Variants in GABRA1 observed in about 807,000 individuals in gnomAD.
GABRA1 encodes gamma-aminobutyric acid receptor subunit alpha-1.
In GABRA1, 9 loss-of-function variants were observed where a neutral mutation model predicts 48.9. The ratio of observed to expected loss-of-function variants is 0.18; its 90% CI spans 0.11 to 0.32. The LOEUF (loss-of-function observed/expected upper bound fraction) is 0.32. Ranked by LOEUF, GABRA1 falls within the 10% of genes least tolerant of loss-of-function variation. The pLI is 1.00. For synonymous variants in GABRA1, 210 were observed against 198.7 expected, an observed-to-expected ratio of 1.06 and a Z score of -0.48; for missense variants, 285 against 553.8, an observed-to-expected ratio of 0.51 and a Z score of 4.87.
In GABRA1 at chr5:161,898,821, A is replaced by G. The variant is rs1755490451; in HGVS notation, c.*1399A>G. 1 of 152,586 alleles carries G rather than the reference A, an allele frequency of 6.6e-6. No homozygotes were observed. The highest frequency in any genetic ancestry group is 6.5e-5 in the Admixed American group (1 of 15,270). 9.5% of individuals were successfully genotyped at this position (152,586 alleles called of 1,614,324 possible). A position where few individuals can be genotyped will look rare whatever the true frequency, so the allele number is the denominator to read the frequency against. ...CAACTATTTCAATAAGTGTTGTACC[A>G]TATGTAGCATTAAATATAAAATACA... On this transcript the variant is annotated 3_prime_UTR_variant, in exon 10 of 10. Coordinates refer to ENST00000393943, the MANE Select transcript of GABRA1 (RefSeq NM_001127644.2).
intron 7 of GABRA1, among the ~76,000 whole-genome samples, chr5:161,889,684 C>T (rs766722846): frequency 1.9e-4 from 29 of 151,980 alleles, no homozygotes; most frequent in Non-Finnish European, 3.7e-4. Context: ...AGGAAGTTTG[C>T]TTGTTACTTT....
At chr5:161,895,504 G>A (rs1273666405) in intron 8 of GABRA1, among the ~76,000 whole-genome samples, 162 bp from the exon 9 acceptor site, 1 of 152,052 alleles carries the variant, frequency 6.6e-6, no homozygotes, top group Non-Finnish European at 1.5e-5. Context: ...ACTACACTGG[G>A]GTTAAATTAA....
intron 6 of GABRA1, among the ~76,000 whole-genome samples, chr5:161,879,616 G>A (rs1353144008): frequency 6.6e-6 from 1 of 152,058 alleles, no homozygotes; most frequent in African/African-American, 2.4e-5. Context: ...TCTTTGCTAA[G>A]GCCTTAAGTA....
chr5:161,885,550 A>G (rs1180222806), intron 7 of GABRA1, among the ~76,000 whole-genome samples: 1 of 152,130 alleles, frequency 6.6e-6, no homozygotes, highest in African/African-American at 2.4e-5. Flanking sequence ...ATAAACACAC[A>G]ATCCTACTGA....
intron 6 of GABRA1, 104 bp downstream of exon 6, chr5:161,875,746 T>A: frequency 1.2e-6 from 1 of 832,858 alleles, no homozygotes; most frequent in Non-Finnish European, 2.1e-6. Context: ...CAAGAAAATT[T>A]AAACAGCAAT....
intron 4 of GABRA1, among the ~76,000 whole-genome samples, chr5:161,866,252 C>T (rs187668473): frequency 5.9e-5 from 9 of 152,128 alleles, no homozygotes; most frequent in Admixed American, 5.9e-4. Context: ...GACAAAAATA[C>T]TTAAAACACA....
At chr5:161,871,607 G>A (rs1754124754) in intron 4 of GABRA1, among the ~76,000 whole-genome samples, 1 of 152,126 alleles carries the variant, frequency 6.6e-6, no homozygotes, top group South Asian at 2.1e-4. Context: ...ACCTTCATGA[G>A]TTTTTCTTAC....
At chr5:161,851,661 T>C (rs940601713) in intron 2 of GABRA1, among the ~76,000 whole-genome samples, 14 of 152,102 alleles carry the variant, frequency 9.2e-5, no homozygotes, top group Non-Finnish European at 1.3e-4. Flanking sequence ...TTATTCAAAA[T>C]GTAATGGCAA....
At chr5:161,891,823 A>G (rs962859132) in intron 8 of GABRA1, among the ~76,000 whole-genome samples, 8 of 152,186 alleles carry the variant, frequency 5.3e-5, no homozygotes, top group African/African-American at 1.4e-4. Context: ...CTGAACACAA[A>G]TCACCACTCT....
intron 7 of GABRA1, among the ~76,000 whole-genome samples, chr5:161,889,367 A>T (rs1434229716): frequency 6.6e-6 from 1 of 152,102 alleles, no homozygotes; most frequent in Non-Finnish European, 1.5e-5. Context: ...AGACAAGAAT[A>T]CTAAGGGTAA....
At position 161,897,484 on chromosome 5, in the gene GABRA1, G is replaced by A. The variant is rs1755424450; in HGVS notation, c.*62G>A. 5 of 1,407,602 alleles carry A rather than the reference G, an allele frequency of 3.6e-6. No homozygotes were observed. The highest frequency in any genetic ancestry group is 1.7e-5 in the Admixed American group (1 of 59,420). 87.2% of individuals were successfully genotyped at this position (1,407,602 alleles called of 1,614,324 possible). ...CTGGGAATTTATTTATGTTCTCAACGCAGTAATTCCCATCTGCTTTATTGC... is the reference window on the plus strand; with the variant it reads ...CTGGGAATTTATTTATGTTCTCAACACAGTAATTCCCATCTGCTTTATTGC... On this transcript the variant is annotated 3_prime_UTR_variant, in exon 10 of 10. Transcript: ENST00000393943.
chr5:161,881,206 C>T (rs1186715650), intron 6 of GABRA1, among the ~76,000 whole-genome samples: 1 of 152,050 alleles, frequency 6.6e-6, no homozygotes, highest in African/African-American at 2.4e-5. Flanking sequence ...ATGATGCCTC[C>T]CCCTCAAAAA....
intron 3 of GABRA1, among the ~76,000 whole-genome samples, chr5:161,858,012 G>A (rs1561567090): frequency 6.6e-6 from 1 of 150,968 alleles, no homozygotes; most frequent in Non-Finnish European, 1.5e-5. Flanking sequence ...AAGCAAAAGA[G>A]GATAGAAAAT....
intron 3 of GABRA1, among the ~76,000 whole-genome samples, chr5:161,865,091 A>G (rs1758002009): frequency 6.6e-6 from 1 of 152,088 alleles, no homozygotes; most frequent in Non-Finnish European, 1.5e-5. Context: ...AGAGAACAAT[A>G]TAATAAAATC....
intron 4 of GABRA1, among the ~76,000 whole-genome samples, chr5:161,869,389 A>T (rs1210003327): frequency 3.3e-5 from 5 of 152,154 alleles, no homozygotes; most frequent in African/African-American, 1.2e-4. Context: ...AGCTAAGTGT[A>T]GCAACTTGAA....
intron 7 of GABRA1, among the ~76,000 whole-genome samples, chr5:161,889,452 G>A (rs1240990162): frequency 2.0e-5 from 3 of 151,992 alleles, no homozygotes; most frequent in East Asian, 3.9e-4. Context: ...AAATTCATTT[G>A]CTTCCAAATA....
At chr5:161,879,062 C>T (rs761185134) in intron 6 of GABRA1, among the ~76,000 whole-genome samples, 2 of 152,146 alleles carry the variant, frequency 1.3e-5, no homozygotes, top group African/African-American at 2.4e-5. Flanking sequence ...TTTACCACCA[C>T]AGAGTTCTTT....
At chr5:161,891,640 C>T (rs941294379) in intron 8 of GABRA1, among the ~76,000 whole-genome samples, 1 of 152,072 alleles carries the variant, frequency 6.6e-6, no homozygotes, top group African/African-American at 2.4e-5. Flanking sequence ...GGGTAAACAA[C>T]CTTTTACAAA....
rs184900581 is a variant in GABRA1 at position 161,849,382 on chromosome 5, T to A, written c.-16+960T>A. ...AAATTAAAATTTTGCAATTTAGATG[T>A]AGCATTTTAACATAATATTTATCCA... On this transcript the variant is annotated intron_variant, in intron 1 of 9. Coordinates refer to ENST00000393943, the MANE Select transcript of GABRA1 (RefSeq NM_001127644.2). Among the ~76,000 whole-genome samples, 175 of 152,316 alleles carry A rather than the reference T, an allele frequency of 1.1e-3. 2 individuals are homozygous for A. Among genetic ancestry groups the A allele is most frequent in the Admixed American group, 0.011 (167 of 15,310 alleles).
Sources: gnomAD v4.1 joint callset for allele counts (sites outside exome capture counted in the v4.1 genomes callset) on GRCh38, gnomAD v4.1.1 for gene constraint, MANE v1.5 for transcripts, NCBI Gene and HGNC (gene_info 2026-07-23, HGNC 2026-07-21) for gene names.